The following TEX2 variants were observed in gnomAD, a reference collection of about 807,000 sequenced individuals.
TEX2 encodes the protein testis expressed 2, also known as testis-expressed protein 2.
Under a neutral mutation model 106.9 loss-of-function variants are expected in TEX2, and 53 were observed. The observed-to-expected ratio is 0.50, with a 90% CI of 0.40 to 0.62. The LOEUF (loss-of-function observed/expected upper bound fraction) is 0.62, where lower values mean the gene tolerates loss of function less well. TEX2 is among the 20% of genes least tolerant of loss of function. TEX2 has a pLI of 0.00. For missense variants in TEX2, 1,207 were observed against 1,379.0 expected, an observed-to-expected ratio of 0.88 and a Z score of 1.98; for synonymous variants, 523 against 534.8, an observed-to-expected ratio of 0.98 and a Z score of 0.30.
At chr17:64,177,293 G>A (rs1378349657) in intron 6 of TEX2, 32 bp downstream of exon 6, 1 of 1,613,042 alleles carries the variant, frequency 6.2e-7, no homozygotes, top group South Asian at 1.1e-5. Flanking sequence ...GAAGTATAGA[G>A]GATTAGAAGC....
intron 1 of TEX2, among the ~76,000 whole-genome samples, chr17:64,243,727 A>G (rs186939742): frequency 3.3e-5 from 5 of 152,168 alleles, no homozygotes; most frequent in Admixed American, 1.3e-4. Context: ...CTGTGTGTAC[A>G]TGTGCGGATT....
chr17:64,263,258 C>A lies in TEX2; in HGVS notation c.-116G>T, dbSNP rs1394366065. 11 of 148,768 alleles carry A rather than the reference C, an allele frequency of 7.4e-5. No individual in the cohort carries two copies. The highest frequency in any genetic ancestry group is 3.4e-3 in the Middle Eastern group (1 of 290). The allele number at this position is 148,768 out of a possible 1,614,324, so 9.2% of individuals were successfully genotyped here. ...CTTCGGCTGGGGCACCGGCCGCGGT[C>A]CTGCTGCCCTGCCGCCCGCCCGCCC... On this transcript the variant is annotated 5_prime_UTR_variant, in exon 1 of 12. Transcript: ENST00000584379.
chr17:64,178,054 C>A (rs920968814), intron 5 of TEX2, among the ~76,000 whole-genome samples: 1 of 152,204 alleles, frequency 6.6e-6, no homozygotes, highest in Non-Finnish European at 1.5e-5. Flanking sequence ...ACAGGCAAGA[C>A]GATGAATCAC....
At position 64,226,452 on chromosome 17, in the gene TEX2, T is replaced by TTA. The variant is rs567528135; in HGVS notation, c.-25-12212_-25-12211dup. ...TCCAAGTGGTTAAGAAATCATGTTT[T>TTA]TAACTTTCATGCAATGTAAGAAAAA... On this transcript the variant is annotated intron_variant, in intron 1 of 11. Transcript: ENST00000584379. Among the ~76,000 whole-genome samples the TTA allele has an allele frequency of 8.0e-4, 122 of 152,340 alleles. No individual in the cohort carries two copies. The South Asian group carries it at 0.01, about 13-fold the overall frequency.
At position 64,188,325 on chromosome 17, in the gene TEX2, A is replaced by G. The variant is rs774078812; in HGVS notation, c.2267T>C (p.Met756Thr). The change falls in exon 5 of 12, where the codon ATG (methionine) becomes ACG (threonine). Residue 756 changes from methionine to threonine, a missense_variant. By Grantham distance (81) the Met-to-Thr change is moderately conservative. Coordinates refer to ENST00000584379, the MANE Select transcript of TEX2 (RefSeq NM_001288732.2). ...SSSKGSVEEIMSQPKQKELAG... is the reference protein window; with the variant it reads ...SSSKGSVEEITSQPKQKELAG... ...CAGCTCCTTCTGCTTTGGCTGTGAC[A>G]TGATCTCCTCCACACTGCCTTTGCT... is the stretch of plus-strand genomic sequence containing the variant. 3.1e-6 allele frequency: 5 copies of G among 1,614,040 alleles called. No homozygotes were observed. In the African/African-American group the frequency reaches 4.0e-5, roughly 13 times the overall value.
chr17:64,259,686 A>T (rs782137293), intron 1 of TEX2, among the ~76,000 whole-genome samples: 3 of 152,224 alleles, frequency 2.0e-5, no homozygotes, highest in Non-Finnish European at 4.4e-5. Flanking sequence ...AGCTTTTCCC[A>T]GTTAACCATT....
chr17:64,218,097 A>G (rs1385714726), intron 1 of TEX2, among the ~76,000 whole-genome samples: 2 of 152,080 alleles, frequency 1.3e-5, no homozygotes, highest in Non-Finnish European at 2.9e-5. Context: ...AAATTTCTGA[A>G]TGGCTGGGCA....
At chr17:64,223,242 C>T (rs891629366) in intron 1 of TEX2, among the ~76,000 whole-genome samples, 5 of 151,670 alleles carry the variant, frequency 3.3e-5, no homozygotes, top group Admixed American at 6.6e-5. Context: ...TCAATTAGGC[C>T]ATGAAAAACC....
chr17:64,232,937 C>T (rs2033689242), intron 1 of TEX2, among the ~76,000 whole-genome samples: 3 of 152,150 alleles, frequency 2.0e-5, no homozygotes, highest in Non-Finnish European at 4.4e-5. Flanking sequence ...ACTGATCATC[C>T]CTAATCATTA....
chr17:64,241,388 C>G (rs2033886460), intron 1 of TEX2, among the ~76,000 whole-genome samples: 1 of 152,220 alleles, frequency 6.6e-6, no homozygotes, highest in Non-Finnish European at 1.5e-5. Flanking sequence ...GGCTGGGTCT[C>G]TCTCTCAAAA....
chr17:64,168,132 C>G (rs1012283186), intron 7 of TEX2, among the ~76,000 whole-genome samples: 10 of 152,156 alleles, frequency 6.6e-5, no homozygotes, highest in African/African-American at 2.4e-4. Context: ...GTCGCATTTC[C>G]CTGGAAGGTG....
chr17:64,243,914 T>C (rs982755411), intron 1 of TEX2, among the ~76,000 whole-genome samples: 3 of 151,716 alleles, frequency 2.0e-5, no homozygotes, highest in African/African-American at 7.3e-5. Context: ...GTTCAAGCGA[T>C]TCTCCTGCCT....
rs761367914 is a variant in TEX2 at position 64,195,287 on chromosome 17, T to A, written c.1645-192A>T. Among the ~76,000 whole-genome samples, 4 of 152,184 alleles carry A rather than the reference T, an allele frequency of 2.6e-5. No individual in the cohort carries two copies. The highest frequency in any genetic ancestry group is 5.9e-5 in the Non-Finnish European group (4 of 68,036). Reference sequence around the variant, plus strand: ...GGATAACTGGAACTGAGGAGGTTTTTGATAACCAAAAATCTGGATTTGGAG... The same window carrying A: ...GGATAACTGGAACTGAGGAGGTTTTAGATAACCAAAAATCTGGATTTGGAG... On this transcript the variant is annotated intron_variant, in intron 2 of 11. Transcript: ENST00000584379. This position sits in a 1 kb window ranked among gnomAD's most constrained non-coding sequence, Gnocchi z 4.1.
At position 64,188,267 on chromosome 17, in the gene TEX2, G is replaced by C. The variant is rs764550614; in HGVS notation, c.2325C>G (p.Asp775Glu). 15 of 1,613,930 alleles carry C rather than the reference G, an allele frequency of 9.3e-6. No homozygotes were observed. In the East Asian group the frequency reaches 3.1e-4, roughly 34 times the overall value. ...CACACCTGCCCATGTACACGCTGTA[G>C]TCGAGAAGCATCTTCTGCCGCACGC... Reference protein sequence around the residue: ...AGSVRQKMLLDYSVYMGRCVP... With the variant: ...AGSVRQKMLLEYSVYMGRCVP... Residue 775 changes from aspartate (D) to glutamate (E), a missense_variant, in exon 5 of 12, where the codon GAC (aspartate) becomes GAG (glutamate). Physicochemically the swap from Asp to Glu is conservative, Grantham distance 45. Coordinates refer to ENST00000584379, the MANE Select transcript of TEX2 (RefSeq NM_001288732.2).
chr17:64,196,878 A>C (rs1158075322), intron 2 of TEX2, among the ~76,000 whole-genome samples: 2 of 151,906 alleles, frequency 1.3e-5, no homozygotes, highest in Admixed American at 1.3e-4. Context: ...CGGATTCTAC[A>C]CATCTCTTCC....
intron 1 of TEX2, chr17:64,230,797 A>G (rs2033638968): frequency 6.6e-6 from 1 of 152,184 alleles, no homozygotes; most frequent in Non-Finnish European, 1.5e-5. Context: ...CTAAGAGTCT[A>G]TGACTCAATT....
intron 5 of TEX2, among the ~76,000 whole-genome samples, chr17:64,178,739 A>C (rs1458263088): frequency 6.6e-6 from 1 of 152,236 alleles, no homozygotes; most frequent in East Asian, 1.9e-4. Flanking sequence ...GGCTACTATA[A>C]GTGCATCTGT....
intron 11 of TEX2, chr17:64,150,330 A>T (rs2030286907): frequency 6.6e-6 from 1 of 152,280 alleles, no homozygotes; most frequent in Admixed American, 6.5e-5. Flanking sequence ...GAACTCCCAG[A>T]CTACACTAGA....
chr17:64,160,560 T>C (rs1006177666), intron 8 of TEX2, among the ~76,000 whole-genome samples: 1 of 152,156 alleles, frequency 6.6e-6, no homozygotes, highest in Non-Finnish European at 1.5e-5. Context: ...ATCAATTCCA[T>C]GTGTACCACC....
Sources: allele counts gnomAD v4.1 joint callset (sites outside exome capture counted in the v4.1 genomes callset), GRCh38; gene constraint gnomAD v4.1.1; non-coding constraint Gnocchi (gnomAD v3.1); transcripts MANE v1.5; gene names NCBI Gene and HGNC (gene_info 2026-07-23, HGNC 2026-07-21).